ANKRD31: variants seen among roughly 807,000 people sequenced by gnomAD.
ANKRD31 encodes ankyrin repeat domain-containing protein 31.
ANKRD31 carries 147 observed loss-of-function variants against 186.0 expected under a neutral mutation model. The observed-to-expected ratio is 0.79, with a 90% CI of 0.69 to 0.91. ANKRD31 has a LOEUF of 0.91. ANKRD31 is among the 40% of genes least tolerant of loss of function. The probability of loss-of-function intolerance (pLI) is 0.00; values close to 1 mark genes in which losing one functional copy is unlikely to be tolerated. For missense variants in ANKRD31, 1,986 were observed against 2,148.8 expected, an observed-to-expected ratio of 0.92 and a Z score of 1.50; for synonymous variants, 673 against 736.4, an observed-to-expected ratio of 0.91 and a Z score of 1.39.
chr5:75,140,286 AAAGGAAGGAAGGAAGGAAGGAAGG>A (rs55831869), intron 15 of ANKRD31, among the ~76,000 whole-genome samples: 19 of 140,840 alleles, frequency 1.3e-4, no homozygotes, highest in African/African-American at 4.1e-4. Flanking sequence ...AGAGAGAAAG[AAAGGAAGGAAGGAAGGAAGGAAGG>A]AAGGAAGGAA....
chr5:75,201,576 T>C (rs1031624481), intron 5 of ANKRD31, among the ~76,000 whole-genome samples: 6 of 152,328 alleles, frequency 3.9e-5, no homozygotes, highest in Admixed American at 3.9e-4. Context: ...ACAACTCTTA[T>C]AGACATTTTC....
Position 75,200,919 on chromosome 5 carries a change from A to G in ANKRD31, c.404-1245T>C, listed in dbSNP as rs564139924. ...AGAGCAAGACTTCGCCTCAAAAAAA[A>G]AAAAGAAAAGAAAAAAAGACCCAAA... On this transcript the variant is annotated intron_variant, in intron 5 of 25. Coordinates refer to ENST00000506364, the MANE Select transcript of ANKRD31 (RefSeq NM_001372053.1). Among the ~76,000 whole-genome samples, 18 of 152,014 alleles carry G rather than the reference A, an allele frequency of 1.2e-4. No homozygotes were observed. In the South Asian group the frequency reaches 1.7e-3, roughly 14 times the overall value.
At chr5:75,219,502 A>G (rs1366584801) in intron 3 of ANKRD31, among the ~76,000 whole-genome samples, 1 of 152,242 alleles carries the variant, frequency 6.6e-6, no homozygotes, top group African/African-American at 2.4e-5. Flanking sequence ...AACACTGCTC[A>G]AAGAAATCAT....
Position 75,092,281 on chromosome 5 carries a change from C to T in ANKRD31, c.5332-880G>A, listed in dbSNP as rs953800046. 4.6e-5 allele frequency among the ~76,000 whole-genome samples: 7 copies of T among 152,274 alleles called. No individual in the cohort carries two copies. In the South Asian group the frequency reaches 1.0e-3, roughly 23 times the overall value. On this transcript the variant is annotated intron_variant, in intron 22 of 25. Transcript: ENST00000506364. ...AGATGTAGGCTAAGCTGTAGGCAGG[C>T]GAGTTTGTAAGAGACAACTGGGAAA...
rs540783371 is a variant in ANKRD31 at position 75,176,241 on chromosome 5, C to T, written c.1565-7120G>A. Among the ~76,000 whole-genome samples the T allele has an allele frequency of 1.8e-4, 28 of 152,274 alleles. No homozygotes were observed. In the East Asian group the frequency reaches 4.6e-3, roughly 25 times the overall value. On this transcript the variant is annotated intron_variant, in intron 10 of 25. Transcript: ENST00000506364. ...AGGTTAACAAAGCGGCCAGGAAGCT[C>T]GAACTGGGTGGAGCCCACCACAGCT...
rs544611124 is a variant in ANKRD31, at chr5:75,234,404, C to T, written c.104+2179G>A. 9.2e-5 allele frequency among the ~76,000 whole-genome samples: 14 copies of T among 152,334 alleles called. 1 individual carries two copies. The South Asian group carries it at 2.1e-3, about 23-fold the overall frequency. The stretch of plus-strand genomic sequence containing the variant: ...TAGACTAGCCCTGATTACTCATGCT[C>T]ATAGTCCTCACTACTCAGGGAGCTG... On this transcript the variant is annotated intron_variant, in intron 1 of 25. Transcript: ENST00000506364.
intron 15 of ANKRD31, among the ~76,000 whole-genome samples, chr5:75,140,773 C>T (rs1750994713): frequency 6.6e-6 from 1 of 152,194 alleles, no homozygotes; most frequent in South Asian, 2.1e-4. Flanking sequence ...CAGCCAATCA[C>T]CAGTGAGGAA....
chr5:75,127,835 A>G (rs777493379), intron 17 of ANKRD31, among the ~76,000 whole-genome samples: 1 of 152,180 alleles, frequency 6.6e-6, no homozygotes, highest in South Asian at 2.1e-4. Context: ...TTCAGTGTAA[A>G]GGTGTAAAGG....
rs1344065944 is a variant in ANKRD31 at position 75,147,200 on chromosome 5, C to G, written c.2211G>C (p.Arg737Ser). 1 of 1,536,118 alleles carries G rather than the reference C, an allele frequency of 6.5e-7. No homozygotes were observed. The highest frequency in any genetic ancestry group is 1.4e-5 in the African/African-American group (1 of 73,026). ...TACAGTCTACATCATCTACTTGGGTCCTTTTATGTTGTGTTTTTCTTCTTC... is the reference window on the plus strand; with the variant it reads ...TACAGTCTACATCATCTACTTGGGTGCTTTTATGTTGTGTTTTTCTTCTTC... ...GIGRRKTQHK[R>S]TQVDDVDCNP... Residue 737 changes from arginine (R) to serine (S), a missense_variant, in exon 14 of 26, where the codon AGG becomes AGC. Physicochemically the swap from Arg to Ser is moderately radical, Grantham distance 110 (BLOSUM62 -1). Coordinates refer to ENST00000506364, the MANE Select transcript of ANKRD31 (RefSeq NM_001372053.1).
rs1453286419 is a variant in ANKRD31 at position 75,236,633 on chromosome 5, C to G, written c.54G>C (p.Glu18Asp). Reference protein sequence around the residue: ...PDWDSDETVIEGSVTESDLEE... With the variant: ...PDWDSDETVIDGSVTESDLEE... ...CCAGGTCGCTCTCCGTCACTGAACC[C>G]TCTATCACAGTTTCATCACTGTCCC... Residue 18 changes from glutamate to aspartate, a missense_variant, in exon 1 of 26, where the codon GAG (glutamate) becomes GAC (aspartate). Coordinates refer to ENST00000506364, the MANE Select transcript of ANKRD31 (RefSeq NM_001372053.1). 6.5e-7 allele frequency: 1 copy of G among 1,537,206 alleles called. No individual in the cohort carries two copies. Among genetic ancestry groups the G allele is most frequent in the Admixed American group, 2.0e-5 (1 of 50,944 alleles).
At chr5:75,211,585 GT>G (rs1200248453) in intron 3 of ANKRD31, among the ~76,000 whole-genome samples, 5 of 152,164 alleles carry the variant, frequency 3.3e-5, no homozygotes, top group Non-Finnish European at 7.4e-5. Context: ...TTCCACAGCA[GT>G]TGCATCATTT....
intron 11 of ANKRD31, among the ~76,000 whole-genome samples, chr5:75,168,466 C>A (rs1753080402): frequency 6.6e-6 from 1 of 152,074 alleles, no homozygotes; most frequent in East Asian, 1.9e-4. Context: ...CTTAATGTTA[C>A]CATTTATTGC....
intron 10 of ANKRD31, among the ~76,000 whole-genome samples, chr5:75,176,027 T>C (rs1334064947): frequency 2.0e-5 from 3 of 152,030 alleles, no homozygotes; most frequent in African/African-American, 7.3e-5. Flanking sequence ...ATTGGGTCAC[T>C]CCCACCCTAA....
At chr5:75,187,535 A>C (rs1457659888) in intron 10 of ANKRD31, among the ~76,000 whole-genome samples, 1 of 152,080 alleles carries the variant, frequency 6.6e-6, no homozygotes, top group African/African-American at 2.4e-5. Context: ...GGCTGCATAT[A>C]GGGCTACTCT....
intron 23 of ANKRD31, among the ~76,000 whole-genome samples, chr5:75,088,161 C>G (rs918377401): frequency 5.3e-5 from 8 of 152,204 alleles, no homozygotes; most frequent in African/African-American, 1.9e-4. Flanking sequence ...CCATCAGTTT[C>G]TATGCTCCCA....
intron 10 of ANKRD31, among the ~76,000 whole-genome samples, chr5:75,188,197 T>C (rs888155199): frequency 3.3e-5 from 5 of 152,140 alleles, no homozygotes; most frequent in Admixed American, 2.0e-4. Context: ...CTGAGTCTCA[T>C]AGTAACAATG....
chr5:75,147,190 C>T lies in ANKRD31; in HGVS notation c.2221G>A (p.Asp741Asn), dbSNP rs1315636915. 6.5e-7 allele frequency: 1 copy of T among 1,536,316 alleles called. No homozygotes were observed. Residue 741 changes from aspartate to asparagine, a missense_variant, in exon 14 of 26, where the codon GAT becomes AAT. Asp to Asn is a conservative substitution (Grantham distance 23). Transcript: ENST00000506364. ...RKTQHKRTQV[D>N]DVDCNPRKIL... is the part of the protein sequence containing the mutation. Reference sequence around the variant, plus strand: ...TTTCTTGGATTACAGTCTACATCATCTACTTGGGTCCTTTTATGTTGTGTT... The same window carrying T: ...TTTCTTGGATTACAGTCTACATCATTTACTTGGGTCCTTTTATGTTGTGTT...
intron 23 of ANKRD31, among the ~76,000 whole-genome samples, chr5:75,087,280 T>C (rs1236410643): frequency 6.6e-6 from 1 of 151,904 alleles, no homozygotes; most frequent in Non-Finnish European, 1.5e-5. Context: ...GGGAGGCCGA[T>C]GTGGGGGGAT....
At chr5:75,199,704 G>T in intron 5 of ANKRD31, 30 bp from the exon 6 acceptor site, 1 of 1,520,592 alleles carries the variant, frequency 6.6e-7, no homozygotes, top group South Asian at 1.2e-5. Context: ...TTTCATTCCA[G>T]TTTTATGGAA....
Sources: allele counts gnomAD v4.1 joint callset (sites outside exome capture counted in the v4.1 genomes callset), GRCh38; gene constraint gnomAD v4.1.1; transcripts MANE v1.5; gene names NCBI Gene and HGNC (gene_info 2026-07-23, HGNC 2026-07-21).